Variants in TRHDE observed in about 807,000 individuals in gnomAD.
TRHDE encodes thyrotropin-releasing hormone-degrading ectoenzyme.
Under a neutral mutation model 125.7 loss-of-function variants are expected in TRHDE, and 72 were observed. That is an observed-to-expected ratio of 0.57 (90% confidence interval 0.47 to 0.70). The LOEUF (loss-of-function observed/expected upper bound fraction) is 0.70. Ranked by LOEUF, TRHDE falls within the 30% of genes least tolerant of loss-of-function variation. The probability of loss-of-function intolerance (pLI) is 0.00; values close to 1 mark genes in which losing one functional copy is unlikely to be tolerated. For synonymous variants in TRHDE, 509 were observed against 509.1 expected (o/e 1.00, Z 0.00); for missense variants, 1,110 against 1,327.1 (o/e 0.84, Z 2.54).
chr12:72,557,965 A>G (rs1294573704), intron 7 of TRHDE, among the ~76,000 whole-genome samples: 1 of 152,216 alleles, frequency 6.6e-6, no homozygotes, highest in East Asian at 1.9e-4. Flanking sequence ...CAAATCACAC[A>G]CACACACACA....
chr12:72,148,137 T>A (rs150880363), intron 2 of TRHDE, among the ~76,000 whole-genome samples: 16 of 152,218 alleles, frequency 1.1e-4, no homozygotes, highest in African/African-American at 3.9e-4. Flanking sequence ...GTGAGTTGCT[T>A]GCTCAGGATC....
intron 17 of TRHDE, among the ~76,000 whole-genome samples, chr12:72,655,955 G>A (rs920580050): frequency 6.6e-6 from 1 of 152,094 alleles, no homozygotes; most frequent in African/African-American, 2.4e-5. Flanking sequence ...AGAAAACTAA[G>A]TTCTACAGAA....
intron 2 of TRHDE, among the ~76,000 whole-genome samples, chr12:72,115,285 T>C (rs535506444): frequency 2.1e-5 from 3 of 143,288 alleles, no homozygotes; most frequent in African/African-American, 7.7e-5. Context: ...AATTTTTAGC[T>C]TCCGCATGTG....
At chr12:72,271,771 G>A, upstream of TRHDE, 1 of 390,088 alleles carries the variant, frequency 2.6e-6, no homozygotes, top group Admixed American at 2.8e-5. Context: ...TCGGACATAC[G>A]CACTTCGGCT....
chr12:72,558,019 G>A (rs1870001554), intron 7 of TRHDE, among the ~76,000 whole-genome samples: 1 of 151,532 alleles, frequency 6.6e-6, no homozygotes, highest in Non-Finnish European at 1.5e-5. Flanking sequence ...CATATATATG[G>A]AGAGAGAGGA....
At chr12:72,629,296 A>G (rs1873381998) in intron 15 of TRHDE, among the ~76,000 whole-genome samples, 1 of 151,816 alleles carries the variant, frequency 6.6e-6, no homozygotes, top group Non-Finnish European at 1.5e-5. Context: ...TTATTTTTTC[A>G]AAGTATCTTA....
Position 72,272,760 on chromosome 12 carries a change from C to T in TRHDE, c.117C>T (p.Ser39=), listed in dbSNP as rs2139405146. ...EEEEEGAEKS[S]SPFAAAMGED... is the part of the protein sequence containing the mutation. Reference sequence around the variant, plus strand: ...AGGAGGAGGGGGCCGAGAAGAGCAGCTCACCCTTCGCAGCCGCGATGGGGG... The same window carrying T: ...AGGAGGAGGGGGCCGAGAAGAGCAGTTCACCCTTCGCAGCCGCGATGGGGG... The change falls in exon 1 of 19, where the codon AGC becomes AGT. Residue 39 remains serine (S), a synonymous_variant. Transcript: ENST00000261180. This position sits in a 1 kb window ranked among gnomAD's most constrained non-coding sequence, Gnocchi z 6.7. 6.5e-7 allele frequency: 1 copy of T among 1,536,740 alleles called. No homozygotes were observed. The highest frequency in any genetic ancestry group is 2.3e-5 in the East Asian group (1 of 42,714).
intron 6 of TRHDE, among the ~76,000 whole-genome samples, chr12:72,530,562 GTCT>G (rs1868499165): frequency 3.3e-5 from 4 of 119,894 alleles, no homozygotes. Flanking sequence ...TTCTTTTTTT[GTCT>G]TCTTCATCTA....
intron 2 of TRHDE, among the ~76,000 whole-genome samples, chr12:72,129,935 T>C (rs1014041719): frequency 7.2e-5 from 11 of 152,208 alleles, no homozygotes; most frequent in Non-Finnish European, 1.5e-5. Context: ...TGGAAAATAT[T>C]TTAAAAATTT....
At chr12:72,489,442 A>G (rs930067753) in intron 5 of TRHDE, among the ~76,000 whole-genome samples, 1 of 151,910 alleles carries the variant, frequency 6.6e-6, no homozygotes, top group African/African-American at 2.4e-5. Flanking sequence ...CAGATTCAAC[A>G]TGATTCCTCT....
chr12:72,373,215 G>A (rs1205528712), intron 2 of TRHDE, among the ~76,000 whole-genome samples: 1 of 152,188 alleles, frequency 6.6e-6, no homozygotes, highest in Non-Finnish European at 1.5e-5. Context: ...GTATAAGAAT[G>A]CTTGTGATTT....
At chr12:72,310,309 T>G (rs1868483764) in intron 2 of TRHDE, among the ~76,000 whole-genome samples, 1 of 152,240 alleles carries the variant, frequency 6.6e-6, no homozygotes, top group African/African-American at 2.4e-5. Context: ...TTATTATAAG[T>G]CGGTAAACCT....
chr12:72,593,501 G>A (rs1389525357), intron 12 of TRHDE, among the ~76,000 whole-genome samples: 1 of 151,262 alleles, frequency 6.6e-6, no homozygotes, highest in African/African-American at 2.4e-5. Context: ...TTTTTGAGAG[G>A]GAGTTTTACT....
chr12:72,492,236 T>C (rs188439094), intron 5 of TRHDE, among the ~76,000 whole-genome samples: 4 of 152,072 alleles, frequency 2.6e-5, no homozygotes, highest in African/African-American at 9.6e-5. Context: ...TTTTACTTTC[T>C]CTATCAGTAT....
At chr12:72,370,273 C>T (rs1592395278) in intron 2 of TRHDE, among the ~76,000 whole-genome samples, 3 of 152,142 alleles carry the variant, frequency 2.0e-5, no homozygotes, top group East Asian at 1.9e-4. Flanking sequence ...TATTTCTCTG[C>T]ATCCCTACTG....
intron 5 of TRHDE, among the ~76,000 whole-genome samples, chr12:72,485,316 C>T (rs1438154351): frequency 6.6e-6 from 1 of 152,176 alleles, no homozygotes; most frequent in East Asian, 1.9e-4. Context: ...ATCCCTGAGA[C>T]TTTGCTGCCC....
At chr12:72,624,079 CA>C (rs1873160425) in intron 15 of TRHDE, among the ~76,000 whole-genome samples, 1 of 151,974 alleles carries the variant, frequency 6.6e-6, no homozygotes, top group African/African-American at 2.4e-5. Context: ...CCAGCAAACA[CA>C]AGTCACCTCC....
At chr12:72,570,645 TA>T (rs34483223) in intron 10 of TRHDE, among the ~76,000 whole-genome samples, 1 of 86,910 alleles carries the variant, frequency 1.2e-5, no homozygotes. Context: ...AGCCACGGGT[TA>T]TGTTTGAGGG....
At chr12:72,397,930 C>CCAA (rs1565726985) in intron 3 of TRHDE, among the ~76,000 whole-genome samples, 1 of 150,962 alleles carries the variant, frequency 6.6e-6, no homozygotes, top group Non-Finnish European at 1.5e-5. Context: ...TGCGCTGCAC[C>CCAA]CACTAACTCG....
Sources: gnomAD v4.1 joint callset for allele counts (sites outside exome capture counted in the v4.1 genomes callset) on GRCh38, gnomAD v4.1.1 for gene constraint, Gnocchi (gnomAD v3.1) non-coding constraint, MANE v1.5 for transcripts, NCBI Gene and HGNC (gene_info 2026-07-23, HGNC 2026-07-21) for gene names.